Variants in APLF observed in about 807,000 individuals in gnomAD.
The protein encoded by APLF is aprataxin and PNKP like factor, also known as aprataxin and PNK-like factor.
A neutral mutation model predicts 55.6 loss-of-function variants in APLF; 61 were observed. That is an observed-to-expected ratio of 1.10 (90% confidence interval 0.89 to 1.36). The LOEUF (loss-of-function observed/expected upper bound fraction) is 1.36. APLF is among the 40% of genes most tolerant of loss of function. APLF has a pLI of 0.00. For synonymous variants in APLF, 207 were observed against 214.8 expected, an observed-to-expected ratio of 0.96 and a Z score of 0.32; for missense variants, 611 against 602.5, an observed-to-expected ratio of 1.01 and a Z score of -0.15.
At chr2:68,487,873 G>T (rs182162394) in intron 1 of APLF, among the ~76,000 whole-genome samples, 112 of 152,088 alleles carry the variant, frequency 7.4e-4, no homozygotes, top group Non-Finnish European at 1.3e-3. Flanking sequence ...TAATTTCAAA[G>T]ATTGTTTATA....
At chr2:68,537,463 G>A (rs1670424707) in intron 6 of APLF, among the ~76,000 whole-genome samples, 1 of 151,670 alleles carries the variant, frequency 6.6e-6, no homozygotes, top group Non-Finnish European at 1.5e-5. Flanking sequence ...TGCCTCTCAG[G>A]TTCAAGCGAT....
At chr2:68,518,964 T>G (rs1443891845) in intron 5 of APLF, among the ~76,000 whole-genome samples, 1 of 121,760 alleles carries the variant, frequency 8.2e-6, no homozygotes, top group Non-Finnish European at 1.6e-5. Context: ...TAATAATACA[T>G]AATAATATGC....
Position 68,578,709 on chromosome 2 carries a change from C to T in APLF, c.*687C>T, listed in dbSNP as rs1040891631. 7 of 985,010 alleles carry T rather than the reference C, an allele frequency of 7.1e-6. No homozygotes were observed. In the African/African-American group the frequency reaches 1.0e-4, roughly 15 times the overall value. The allele number at this position is 985,010 out of a possible 1,614,324, so 61.0% of individuals were successfully genotyped here. A position where few individuals can be genotyped will look rare whatever the true frequency, so the allele number is the denominator to read the frequency against. On this transcript the variant is annotated 3_prime_UTR_variant, in exon 10 of 10. Coordinates refer to ENST00000303795, the MANE Select transcript of APLF (RefSeq NM_173545.3). ...AAGTAAAAAAACTCAAAAAACTTGA[C>T]CTTTTTTTTCAAACTAAAGTCCTAG...
intron 2 of APLF, 86 bp downstream of exon 2, chr2:68,490,347 G>A: frequency 9.8e-7 from 1 of 1,021,910 alleles, no homozygotes; most frequent in South Asian, 1.6e-5. Context: ...CTAAGGTTAT[G>A]GGAATAGGGA....
At chr2:68,561,501 T>TAA (rs1051503818) in intron 8 of APLF, among the ~76,000 whole-genome samples, 2 of 152,048 alleles carry the variant, frequency 1.3e-5, no homozygotes, top group African/African-American at 4.8e-5. Flanking sequence ...AACTGAGTGA[T>TAA]TGATTGACTA....
At position 68,545,213 on chromosome 2, in the gene APLF, T is replaced by G. The variant is rs1361212083; in HGVS notation, c.1187T>G (p.Phe396Cys). The G allele has an allele frequency of 1.9e-6, 3 of 1,613,768 alleles. No homozygotes were observed. Among genetic ancestry groups the G allele is most frequent in the Non-Finnish European group, 2.5e-6 (3 of 1,179,770 alleles). ...AAGAATCCTGTTCATTTTCAACATT[T>G]TAGCCATCCTGGTGATAGTGATTAT... ...YRKNPVHFQH[F>C]SHPGDSDYGG... The change falls in exon 8 of 10, where the codon TTT becomes TGT. Residue 396 changes from phenylalanine (F) to cysteine (C), a missense_variant. By Grantham distance (205) the Phe-to-Cys change is radical (BLOSUM62 -2). Coordinates refer to ENST00000303795, the MANE Select transcript of APLF (RefSeq NM_173545.3).
At chr2:68,568,230 A>G (rs775111039) in intron 9 of APLF, 114 of 980,134 alleles carry the variant, frequency 1.2e-4, no homozygotes, top group Non-Finnish European at 1.3e-4. Context: ...CATTCATATA[A>G]TACAGAGGCT....
rs559209322 is a variant in APLF, at chr2:68,522,899, G to T, written c.623-3162G>T. Among the ~76,000 whole-genome samples the T allele has an allele frequency of 4.6e-5, 7 of 151,972 alleles. No individual in the cohort carries two copies. In the South Asian group the frequency reaches 1.5e-3, roughly 32 times the overall value. On this transcript the variant is annotated intron_variant, in intron 5 of 9. Coordinates refer to ENST00000303795, the MANE Select transcript of APLF (RefSeq NM_173545.3). ...ATATAAAAATTAAAACAAGGCATTT[G>T]AAGAAAGTATGGGAAAAATATTTTG...
chr2:68,533,144 T>G (rs1670303144), intron 6 of APLF, among the ~76,000 whole-genome samples: 1 of 152,174 alleles, frequency 6.6e-6, no homozygotes, highest in Non-Finnish European at 1.5e-5. Flanking sequence ...GCATTCATCC[T>G]TTCATGCCCT....
chr2:68,515,673 C>T, intron 5 of APLF: 1 of 982,996 alleles, frequency 1.0e-6, no homozygotes, highest in East Asian at 1.1e-4. Context: ...TGGAATATCG[C>T]ATGTGTACAA....
At chr2:68,506,970 G>T (rs976819624) in intron 3 of APLF, among the ~76,000 whole-genome samples, 2 of 151,802 alleles carry the variant, frequency 1.3e-5, no homozygotes, top group Admixed American at 1.3e-4. Flanking sequence ...AAAGTATAAA[G>T]ACATGCATAG....
At chr2:68,516,941 A>G (rs1031765650) in intron 5 of APLF, among the ~76,000 whole-genome samples, 3 of 124,058 alleles carry the variant, frequency 2.4e-5, no homozygotes, top group African/African-American at 9.8e-5. Flanking sequence ...TATATAATAT[A>G]ATATATATAA....
intron 7 of APLF, among the ~76,000 whole-genome samples, chr2:68,539,098 A>C (rs1424031420): frequency 6.6e-6 from 1 of 152,192 alleles, no homozygotes; most frequent in Non-Finnish European, 1.5e-5. Flanking sequence ...CCATTTTAGC[A>C]CTTGAATAAC....
intron 8 of APLF, among the ~76,000 whole-genome samples, chr2:68,563,928 A>G (rs1457860543): frequency 6.6e-6 from 1 of 152,094 alleles, no homozygotes; most frequent in East Asian, 1.9e-4. Flanking sequence ...AAAAATCTTG[A>G]TGAAGATATA....
chr2:68,539,172 T>C (rs1293288336), intron 7 of APLF, among the ~76,000 whole-genome samples: 1 of 152,242 alleles, frequency 6.6e-6, no homozygotes. Flanking sequence ...ATATATGCAA[T>C]GGCTTTAGTT....
intron 2 of APLF, among the ~76,000 whole-genome samples, chr2:68,492,409 C>G (rs774250624): frequency 2.6e-5 from 4 of 152,004 alleles, no homozygotes; most frequent in African/African-American, 9.7e-5. Context: ...ACCCGGGAGG[C>G]GGAGCTTGCA....
At chr2:68,540,756 G>C (rs1408077173) in intron 7 of APLF, among the ~76,000 whole-genome samples, 1 of 151,274 alleles carries the variant, frequency 6.6e-6, no homozygotes, top group South Asian at 2.1e-4. Flanking sequence ...AATCCCAATA[G>C]GGTGTATGTG....
Position 68,517,276 on chromosome 2 carries a change from TATATA to T in APLF, c.622+3602_622+3606del, listed in dbSNP as rs373317775. On this transcript the variant is annotated intron_variant, in intron 5 of 9. Coordinates refer to ENST00000303795, the MANE Select transcript of APLF (RefSeq NM_173545.3). ...ATAATATATTAATATATGTCATTAC[TATATA>T]ATATATTAATATATGTCATTACTAT... Among the ~76,000 whole-genome samples, 30 of 104,324 alleles carry T rather than the reference TATATA, an allele frequency of 2.9e-4. 1 individual carries two copies. Among genetic ancestry groups the T allele is most frequent in the African/African-American group, 9.2e-4 (23 of 24,934 alleles). The allele number at this position is 104,324 out of a possible 152,430, so 68.4% of individuals were successfully genotyped here.
chr2:68,567,444 A>AT, intron 9 of APLF, 57 bp downstream of exon 9: 1 of 1,322,712 alleles, frequency 7.6e-7, no homozygotes, highest in Non-Finnish European at 1.1e-6. Flanking sequence ...TTTTCCTATT[A>AT]AACCTAGTTT....
Sources: allele counts gnomAD v4.1 joint callset (sites outside exome capture counted in the v4.1 genomes callset), GRCh38; gene constraint gnomAD v4.1.1; transcripts MANE v1.5; gene names NCBI Gene and HGNC (gene_info 2026-07-23, HGNC 2026-07-21).